Variants in PLXDC1 observed in about 807,000 individuals in gnomAD.
PLXDC1 encodes plexin domain containing 1.
Under a neutral mutation model 61.3 loss-of-function variants are expected in PLXDC1, and 39 were observed. The observed-to-expected ratio is 0.64, with a 90% CI of 0.49 to 0.83. The LOEUF is 0.83. PLXDC1 is among the 40% of genes least tolerant of loss of function. PLXDC1 has a pLI of 0.00. For missense variants in PLXDC1, 596 were observed against 666.5 expected (o/e 0.89, Z 1.17); for synonymous variants, 212 against 254.5 (o/e 0.83, Z 1.59).
intron 7 of PLXDC1, among the ~76,000 whole-genome samples, chr17:39,103,376 CA>C (rs1271193443): frequency 6.6e-6 from 1 of 150,908 alleles, no homozygotes; most frequent in Non-Finnish European, 1.5e-5. Context: ...TCCATCTCTC[CA>C]AAAAAAAATT....
rs375634185 is a variant in PLXDC1 at position 39,063,687 on chromosome 17, A to G, written c.*4153T>C. ...GAGTTTACACTAAACACATGAATAC[A>G]TTGTGTTTTAGAAGGCTGGGTGCCC... On this transcript the variant is annotated 3_prime_UTR_variant, in exon 14 of 14. Coordinates refer to ENST00000315392, the MANE Select transcript of PLXDC1 (RefSeq NM_020405.5). 5.5e-6 allele frequency: 3 copies of G among 542,498 alleles called. No homozygotes were observed. Among genetic ancestry groups the G allele is most frequent in the African/African-American group, 3.8e-5 (2 of 52,266 alleles). The allele number at this position is 542,498 out of a possible 1,614,324, so 33.6% of individuals were successfully genotyped here. A position where few individuals can be genotyped will look rare whatever the true frequency, so the allele number is the denominator to read the frequency against.
upstream of PLXDC1, chr17:39,152,733 T>C (rs1250193248): frequency 8.3e-6 from 10 of 1,204,232 alleles, no homozygotes; most frequent in Non-Finnish European, 7.2e-6. Flanking sequence ...GAAGGTACAC[T>C]GTGGGCTGGA....
rs371114655 is a variant in PLXDC1 at position 39,107,493 on chromosome 17, A to G, written c.625T>C (p.Tyr209His). The change falls in exon 6 of 14, where the codon TAT becomes CAT. Residue 209 changes from tyrosine (Y) to histidine (H), a missense_variant. Tyr to His is a moderately conservative substitution (Grantham distance 83, BLOSUM62 2). Coordinates refer to ENST00000315392, the MANE Select transcript of PLXDC1 (RefSeq NM_020405.5). ...CCCTTGTCTTCCCAGCCTTGGAGAT[A>G]AACGTGGTCCCACTGAACCACAAAG... The part of the protein sequence containing the change: ...TVFVVQWDHV[Y>H]LQGWEDKGSF... 1.2e-6 allele frequency: 2 copies of G among 1,613,874 alleles called. No homozygotes were observed. The highest frequency in any genetic ancestry group is 8.5e-7 in the Non-Finnish European group (1 of 1,179,858).
At chr17:39,098,789 C>T (rs1219987019) in intron 7 of PLXDC1, among the ~76,000 whole-genome samples, 1 of 152,252 alleles carries the variant, frequency 6.6e-6, no homozygotes, top group Non-Finnish European at 1.5e-5. Flanking sequence ...TACAAGGGGA[C>T]TGTGTCATAC....
At chr17:39,096,650 C>T (rs1179417289) in intron 7 of PLXDC1, among the ~76,000 whole-genome samples, 3 of 152,190 alleles carry the variant, frequency 2.0e-5, no homozygotes, top group East Asian at 1.9e-4. Context: ...ATGTTGGGGC[C>T]GTCCAAGGCC....
intron 11 of PLXDC1, among the ~76,000 whole-genome samples, chr17:39,077,402 T>C (rs541211925): frequency 6.6e-6 from 1 of 152,194 alleles, no homozygotes; most frequent in South Asian, 2.1e-4. Context: ...AAGACCTGAA[T>C]AGTCAGGGTG....
chr17:39,147,369 C>A (rs1286118695), intron 1 of PLXDC1, among the ~76,000 whole-genome samples: 1 of 152,148 alleles, frequency 6.6e-6, no homozygotes, highest in African/African-American at 2.4e-5. Context: ...AAACCTCTAG[C>A]CCCAAATGCT....
At chr17:39,105,739 T>C in intron 7 of PLXDC1, 115 bp downstream of exon 7, 1 of 651,066 alleles carries the variant, frequency 1.5e-6, no homozygotes, top group Admixed American at 2.6e-5. Flanking sequence ...GGTTTCCCTC[T>C]CAACTCTCTG....
At chr17:39,082,731 C>T (rs1419656977) in intron 9 of PLXDC1, among the ~76,000 whole-genome samples, 4 of 152,178 alleles carry the variant, frequency 2.6e-5, no homozygotes, top group Non-Finnish European at 5.9e-5. Context: ...AAATCTTTTT[C>T]TTCCCCCTCC....
chr17:39,134,075 G>A (rs1470506449), intron 2 of PLXDC1, among the ~76,000 whole-genome samples: 2 of 152,094 alleles, frequency 1.3e-5, no homozygotes, highest in East Asian at 2.0e-4. Flanking sequence ...GGCTAACACG[G>A]TGAAACCCCA....
At chr17:39,069,701 C>T (rs567225267) in intron 13 of PLXDC1, among the ~76,000 whole-genome samples, 155 bp downstream of exon 13, 6 of 152,204 alleles carry the variant, frequency 3.9e-5, no homozygotes, top group East Asian at 1.9e-4. Context: ...ACTTAACGGG[C>T]GCCAGCCATC....
At position 39,063,491 on chromosome 17, in the gene PLXDC1, T is replaced by C; in HGVS notation, c.*4349A>G. Reference sequence around the variant, plus strand: ...CTGATGAGCAGATAGCTGGAGGCTGTTCCCACAGTCATGTCTCAGCGAAGA... The same window carrying C: ...CTGATGAGCAGATAGCTGGAGGCTGCTCCCACAGTCATGTCTCAGCGAAGA... On this transcript the variant is annotated 3_prime_UTR_variant, in exon 14 of 14. Transcript: ENST00000315392. 1.4e-6 allele frequency: 1 copy of C among 703,010 alleles called. No homozygotes were observed. 43.5% of individuals were successfully genotyped at this position (703,010 alleles called of 1,614,324 possible).
chr17:39,110,080 C>T (rs910780618), intron 2 of PLXDC1, among the ~76,000 whole-genome samples: 5 of 152,074 alleles, frequency 3.3e-5, no homozygotes, highest in East Asian at 1.9e-4. Context: ...GAGCCGAGAT[C>T]GCGCCACTGC....
At chr17:39,109,430 T>A in intron 2 of PLXDC1, 39 bp from the exon 3 acceptor site, 1 of 1,553,954 alleles carries the variant, frequency 6.4e-7, no homozygotes, top group Non-Finnish European at 8.7e-7. Flanking sequence ...GAGGTGTGAG[T>A]AGTCAGCATG....
At chr17:39,086,859 C>CAAAAAAAAAAAAAAA (rs765774886) in intron 8 of PLXDC1, among the ~76,000 whole-genome samples, 6 of 71,512 alleles carry the variant, frequency 8.4e-5, no homozygotes, top group Non-Finnish European at 1.5e-4. Flanking sequence ...GAGACTGTCT[C>CAAAAAAAAAAAAAAA]AAAAAAAAAA....
At position 39,079,118 on chromosome 17, in the gene PLXDC1, C is replaced by T; in HGVS notation, c.1036G>A (p.Gly346Ser). The T allele has an allele frequency of 6.2e-7, 1 of 1,613,846 alleles. No homozygotes were observed. Among genetic ancestry groups the T allele is most frequent in the Non-Finnish European group, 8.5e-7 (1 of 1,179,800 alleles). The change falls in exon 10 of 14, where the codon GGC becomes AGC. Residue 346 changes from glycine to serine, a missense_variant. Transcript: ENST00000315392. ...DRYRQEWMDY[G>S]CAQEAEGRMC... ...ATGCTTCTCACCTCCTGTGCACAGC[C>T]ATAGTCCATCCACTCCTGGCGATAG... is the stretch of plus-strand genomic sequence containing the variant.
At chr17:39,072,734 T>C (rs1366641674) in intron 11 of PLXDC1, 3 of 543,068 alleles carry the variant, frequency 5.5e-6, no homozygotes, top group East Asian at 3.3e-5. Flanking sequence ...TGGAGAGCAA[T>C]AGGAGGCCAT....
At chr17:39,072,410 C>T (rs748392332) in intron 12 of PLXDC1, 40 bp downstream of exon 12, 15 of 1,478,412 alleles carry the variant, frequency 1.0e-5, no homozygotes, top group African/African-American at 5.6e-5. Context: ...GTCCAAGAGG[C>T]GCTGGGTCTG....
chr17:39,092,828 G>A (rs550662183), intron 7 of PLXDC1, among the ~76,000 whole-genome samples: 1 of 152,292 alleles, frequency 6.6e-6, no homozygotes, highest in African/African-American at 2.4e-5. Context: ...TGGGGTGCAG[G>A]TAGGGGCAGA....
Sources: allele counts gnomAD v4.1 joint callset (sites outside exome capture counted in the v4.1 genomes callset), GRCh38; gene constraint gnomAD v4.1.1; transcripts MANE v1.5; gene names NCBI Gene and HGNC (gene_info 2026-07-23, HGNC 2026-07-21).